CSMD1: variants seen among roughly 807,000 people sequenced by gnomAD.
CSMD1 encodes the protein CUB and sushi domain-containing protein 1.
CSMD1 carries 213 observed loss-of-function variants against 417.5 expected under a neutral mutation model. That is an observed-to-expected ratio of 0.51 (90% CI 0.46 to 0.57). CSMD1 has a LOEUF of 0.57. Ranked by LOEUF, CSMD1 falls within the 20% of genes least tolerant of loss-of-function variation. The pLI is 0.00. For synonymous variants in CSMD1, 2,862 were observed against 1,736.8 expected (o/e 1.65, Z -16.11); for missense variants, 6,923 against 4,529.7 (o/e 1.53, Z -15.17).
chr8:3,734,078 G>A (rs1055348536), intron 6 of CSMD1, among the ~76,000 whole-genome samples: 2 of 152,092 alleles, frequency 1.3e-5, no homozygotes, highest in African/African-American at 4.8e-5. Context: ...GAATTTTTAA[G>A]TGAACTTCTT....
At chr8:3,432,821 G>T (rs532424608) in intron 12 of CSMD1, among the ~76,000 whole-genome samples, 1 of 152,046 alleles carries the variant, frequency 6.6e-6, no homozygotes, top group Non-Finnish European at 1.5e-5. Flanking sequence ...GCCAACATGG[G>T]CTTATTTTTA....
At chr8:3,805,070 T>G (rs1006447568) in intron 5 of CSMD1, among the ~76,000 whole-genome samples, 2 of 150,408 alleles carry the variant, frequency 1.3e-5, no homozygotes, top group Non-Finnish European at 3.0e-5. Flanking sequence ...CACAGAGAAT[T>G]AGAATAACAG....
chr8:4,392,035 G>C (rs1480989490), intron 3 of CSMD1, among the ~76,000 whole-genome samples: 3 of 152,156 alleles, frequency 2.0e-5, no homozygotes, highest in Admixed American at 6.5e-5. Flanking sequence ...TGAGTCCCAG[G>C]GTTTTGGGGG....
intron 10 of CSMD1, among the ~76,000 whole-genome samples, chr8:3,503,210 G>A (rs1037703527): frequency 3.9e-5 from 6 of 152,044 alleles, no homozygotes; most frequent in East Asian, 1.9e-4. Context: ...ACAAAGAAAG[G>A]GAGTTAGAAA....
intron 1 of CSMD1, among the ~76,000 whole-genome samples, chr8:4,693,796 C>T (rs538101509): frequency 6.6e-6 from 1 of 152,390 alleles, no homozygotes; most frequent in South Asian, 2.1e-4. Flanking sequence ...CCTGCCTCAG[C>T]CTCCTGAGTA....
At chr8:4,378,758 A>C (rs1481805716) in intron 3 of CSMD1, among the ~76,000 whole-genome samples, 1 of 152,110 alleles carries the variant, frequency 6.6e-6, no homozygotes, top group Non-Finnish European at 1.5e-5. Context: ...AGGTTATGAG[A>C]GCTCTGCTCT....
intron 2 of CSMD1, among the ~76,000 whole-genome samples, chr8:4,466,100 C>T (rs535040265): frequency 6.6e-6 from 1 of 152,118 alleles, no homozygotes; most frequent in East Asian, 1.9e-4. Flanking sequence ...ATCATGACAC[C>T]AGCTCTCGAG....
chr8:4,745,225 T>A (rs1810876603), intron 1 of CSMD1, among the ~76,000 whole-genome samples: 1 of 152,200 alleles, frequency 6.6e-6, no homozygotes, highest in Non-Finnish European at 1.5e-5. Flanking sequence ...GCTATCCAGT[T>A]GTCTCAGCAG....
At chr8:3,599,708 A>T (rs1467010008) in intron 8 of CSMD1, among the ~76,000 whole-genome samples, 1 of 152,192 alleles carries the variant, frequency 6.6e-6, no homozygotes, top group Non-Finnish European at 1.5e-5. Context: ...TATCTGCTGC[A>T]TGCCCAGATT....
intron 5 of CSMD1, among the ~76,000 whole-genome samples, chr8:3,914,819 G>A (rs1422973814): frequency 2.6e-5 from 4 of 151,732 alleles, no homozygotes; most frequent in Non-Finnish European, 5.9e-5. Flanking sequence ...CTACTCTACT[G>A]AGTGTCCTTA....
chr8:3,995,592 C>T (rs1296783627), intron 5 of CSMD1, among the ~76,000 whole-genome samples: 1 of 152,188 alleles, frequency 6.6e-6, no homozygotes, highest in Non-Finnish European at 1.5e-5. Context: ...GACCTTGAAC[C>T]TGAGCTCTGC....
At chr8:3,260,647 A>G (rs771182850) in intron 26 of CSMD1, among the ~76,000 whole-genome samples, 3 of 152,026 alleles carry the variant, frequency 2.0e-5, no homozygotes, top group South Asian at 2.1e-4. Context: ...ATTTTTGACA[A>G]TCCCTTTCTT....
intron 12 of CSMD1, among the ~76,000 whole-genome samples, chr8:3,466,410 A>T (rs144024732): frequency 1.3e-5 from 2 of 150,690 alleles, no homozygotes; most frequent in Admixed American, 6.6e-5. Flanking sequence ...TTTTCTGATA[A>T]TTTTTTTTTC....
intron 3 of CSMD1, among the ~76,000 whole-genome samples, chr8:4,256,095 C>T (rs1341429442): frequency 6.6e-6 from 1 of 152,216 alleles, no homozygotes; most frequent in Non-Finnish European, 1.5e-5. Context: ...AGGTGAATCC[C>T]AGACTACTTT....
intron 18 of CSMD1, among the ~76,000 whole-genome samples, chr8:3,382,899 T>G (rs1422133645): frequency 6.6e-6 from 1 of 152,132 alleles, no homozygotes; most frequent in African/African-American, 2.4e-5. Flanking sequence ...TTTCCAAGAT[T>G]TAAAAACTAA....
intron 1 of CSMD1, among the ~76,000 whole-genome samples, chr8:4,859,151 A>C (rs902734643): frequency 4.6e-5 from 7 of 152,162 alleles, no homozygotes; most frequent in African/African-American, 1.4e-4. Context: ...ACCTGAGAAA[A>C]ACAAGCAATG....
chr8:3,698,092 A>G (rs1431485047), intron 7 of CSMD1, among the ~76,000 whole-genome samples: 3 of 152,164 alleles, frequency 2.0e-5, no homozygotes, highest in African/African-American at 7.2e-5. Flanking sequence ...GGTATGATGA[A>G]TAATTGATGA....
chr8:4,864,762 G>T (rs1036552034), intron 1 of CSMD1, among the ~76,000 whole-genome samples: 2 of 151,522 alleles, frequency 1.3e-5, no homozygotes, highest in African/African-American at 2.4e-5. Context: ...ATAACAATTT[G>T]ATTATTTTCA....
At chr8:4,527,943 G>A (rs901365350) in intron 2 of CSMD1, among the ~76,000 whole-genome samples, 1 of 152,112 alleles carries the variant, frequency 6.6e-6, no homozygotes, top group East Asian at 1.9e-4. Context: ...GTGCTGACTG[G>A]CCCAGGGCAC....
Sources: gnomAD v4.1 joint callset for allele counts (sites outside exome capture counted in the v4.1 genomes callset) on GRCh38, gnomAD v4.1.1 for gene constraint, MANE v1.5 for transcripts, NCBI Gene and HGNC (gene_info 2026-07-23, HGNC 2026-07-21) for gene names.